The following ZDHHC2 variants were observed in gnomAD, a reference collection of about 807,000 sequenced individuals.
The protein encoded by ZDHHC2 is palmitoyltransferase ZDHHC2.
A neutral mutation model predicts 55.6 loss-of-function variants in ZDHHC2; 51 were observed. The ratio of observed to expected loss-of-function variants is 0.92; its 90% CI spans 0.73 to 1.16. ZDHHC2 has a LOEUF of 1.16. Among genes scored for constraint, ZDHHC2 ranks in the 50% most tolerant of loss-of-function variants. The pLI, the probability that ZDHHC2 is intolerant of heterozygous loss-of-function variation, is 0.00. For missense variants in ZDHHC2, 491 were observed against 442.4 expected, an observed-to-expected ratio of 1.11 and a Z score of -0.99; for synonymous variants, 199 against 152.9, an observed-to-expected ratio of 1.30 and a Z score of -2.22.
intron 8 of ZDHHC2, among the ~76,000 whole-genome samples, chr8:17,208,939 A>T (rs1390528480): frequency 1.3e-5 from 2 of 152,202 alleles, no homozygotes; most frequent in East Asian, 3.9e-4. Context: ...TAGGATGAAG[A>T]ATGCTAAGGA....
intron 10 of ZDHHC2, among the ~76,000 whole-genome samples, chr8:17,211,949 C>T (rs937781209): frequency 6.6e-6 from 1 of 152,014 alleles, no homozygotes; most frequent in Admixed American, 6.6e-5. Flanking sequence ...GTTTATAATA[C>T]TTTTTTGCCC....
At chr8:17,207,434 T>C (rs1360631671) in intron 7 of ZDHHC2, among the ~76,000 whole-genome samples, 2 of 152,124 alleles carry the variant, frequency 1.3e-5, no homozygotes, top group Non-Finnish European at 2.9e-5. Context: ...TTATTTAAGA[T>C]AGCTTGAAGC....
At chr8:17,201,811 TACAGGTATTTTAA>T (rs1291810232) in intron 6 of ZDHHC2, among the ~76,000 whole-genome samples, 1 of 152,054 alleles carries the variant, frequency 6.6e-6, no homozygotes. Context: ...AGCTTTTTTA[TACAGGTATTTTAA>T]ACAGGTATTT....
chr8:17,184,716 A>G, intron 1 of ZDHHC2, 73 bp from the exon 2 acceptor site: 1 of 1,260,844 alleles, frequency 7.9e-7, no homozygotes, highest in African/African-American at 1.5e-5. Context: ...AGCTACTTAA[A>G]TGCCTTATGT....
rs1250655645 is a variant in ZDHHC2 at position 17,186,121 on chromosome 8, C to T, written c.158-210C>T. 5.3e-5 allele frequency among the ~76,000 whole-genome samples: 8 copies of T among 152,242 alleles called. No homozygotes were observed. The South Asian group carries it at 1.7e-3, about 32-fold the overall frequency. On this transcript the variant is annotated intron_variant, in intron 2 of 12. Coordinates refer to ENST00000262096, the MANE Select transcript of ZDHHC2 (RefSeq NM_016353.5). ...GGCTTTTATTCATGGGCATAGATCT[C>T]ATTATGCATTTAGGAATTTTTGTAA...
intron 1 of ZDHHC2, among the ~76,000 whole-genome samples, chr8:17,177,965 A>G (rs2150897694): frequency 6.6e-6 from 1 of 152,322 alleles, no homozygotes; most frequent in East Asian, 1.9e-4. Flanking sequence ...ATAAATGTTA[A>G]AATCACAGCA....
intron 3 of ZDHHC2, among the ~76,000 whole-genome samples, chr8:17,186,972 A>G (rs779476518): frequency 6.6e-6 from 1 of 152,134 alleles, no homozygotes; most frequent in Non-Finnish European, 1.5e-5. Flanking sequence ...TCACATCTAC[A>G]TTGTAGCCAG....
At chr8:17,203,321 C>T (rs557859861) in intron 6 of ZDHHC2, among the ~76,000 whole-genome samples, 1 of 151,816 alleles carries the variant, frequency 6.6e-6, no homozygotes, top group South Asian at 2.1e-4. Flanking sequence ...ATCTCAGCCT[C>T]CTGGGTTCAA....
chr8:17,160,851 C>A (rs144780964), intron 1 of ZDHHC2, among the ~76,000 whole-genome samples: 46 of 152,276 alleles, frequency 3.0e-4, no homozygotes, highest in African/African-American at 1.0e-3. Flanking sequence ...AACAAATGGG[C>A]GTGGCTTTTA....
At chr8:17,172,038 C>T (rs913875061) in intron 1 of ZDHHC2, among the ~76,000 whole-genome samples, 13 of 151,910 alleles carry the variant, frequency 8.6e-5, no homozygotes, top group African/African-American at 2.9e-4. Flanking sequence ...GAACTATATC[C>T]GCAGTTCCCA....
chr8:17,160,750 A>G (rs1585633864), intron 1 of ZDHHC2, among the ~76,000 whole-genome samples: 2 of 152,228 alleles, frequency 1.3e-5, no homozygotes. Flanking sequence ...TTGGGGCTAT[A>G]TAGTACATAT....
chr8:17,157,265 T>G (rs1025766586), intron 1 of ZDHHC2, among the ~76,000 whole-genome samples: 1 of 152,000 alleles, frequency 6.6e-6, no homozygotes, highest in Admixed American at 6.5e-5. Context: ...CGCGCGGGGG[T>G]GCTGGCCTTG....
rs1808045485 is a variant in ZDHHC2 at position 17,224,524 on chromosome 8, C to G, written c.*4303C>G. On this transcript the variant is annotated 3_prime_UTR_variant, in exon 13 of 13. Transcript: ENST00000262096. The stretch of plus-strand genomic sequence containing the variant: ...GGGGAAGGTTTAACAGTACAAGGAG[C>G]TGAATCCTACCTGAAATTATTAATG... 1 of 151,564 alleles carries G rather than the reference C, an allele frequency of 6.6e-6. No homozygotes were observed. Among genetic ancestry groups the G allele is most frequent in the Non-Finnish European group, 1.5e-5 (1 of 67,668 alleles). The allele number at this position is 151,564 out of a possible 1,614,324, so 9.4% of individuals were successfully genotyped here. A position where few individuals can be genotyped will look rare whatever the true frequency, so the allele number is the denominator to read the frequency against.
At chr8:17,211,774 A>T (rs1393984079) in intron 10 of ZDHHC2, among the ~76,000 whole-genome samples, 1 of 152,136 alleles carries the variant, frequency 6.6e-6, no homozygotes, top group Non-Finnish European at 1.5e-5. Context: ...TCACAGGGAC[A>T]TTCATGGGCA....
In ZDHHC2 at chr8:17,217,206, G is replaced by A; in HGVS notation, c.1098G>A (p.Glu366=). Residue 366 remains glutamate (E), a synonymous_variant, in exon 12 of 13, where the codon GAG becomes GAA. Coordinates refer to ENST00000262096, the MANE Select transcript of ZDHHC2 (RefSeq NM_016353.5). ...MSNPALTMEN[E]T is the part of the protein sequence containing the mutation. ...ATCCTGCATTAACCATGGAAAATGA[G>A]ACTTAACTCTTCAAGCAAGATAAAT... 6.2e-7 allele frequency: 1 copy of A among 1,610,776 alleles called. No individual in the cohort carries two copies.
chr8:17,169,670 G>A (rs1804761437), intron 1 of ZDHHC2, among the ~76,000 whole-genome samples: 2 of 152,144 alleles, frequency 1.3e-5, no homozygotes, highest in Non-Finnish European at 2.9e-5. Flanking sequence ...TATAAATGAA[G>A]AGCAAGGTTT....
intron 1 of ZDHHC2, among the ~76,000 whole-genome samples, chr8:17,180,577 A>G (rs1307777136): frequency 1.3e-5 from 2 of 152,096 alleles, no homozygotes; most frequent in Admixed American, 6.6e-5. Flanking sequence ...ATGATATATT[A>G]TAATTGTACA....
At chr8:17,172,677 C>T (rs1386346764) in intron 1 of ZDHHC2, among the ~76,000 whole-genome samples, 2 of 152,110 alleles carry the variant, frequency 1.3e-5, no homozygotes, top group African/African-American at 4.8e-5. Flanking sequence ...AGCTACCAAC[C>T]AGGAGAGATC....
chr8:17,165,884 ATC>A (rs941903599), intron 1 of ZDHHC2, among the ~76,000 whole-genome samples: 3 of 152,218 alleles, frequency 2.0e-5, no homozygotes, highest in Non-Finnish European at 4.4e-5. Context: ...GGAGAAATAT[ATC>A]TCCGGCCAGG....
Sources: allele counts gnomAD v4.1 joint callset (sites outside exome capture counted in the v4.1 genomes callset), GRCh38; gene constraint gnomAD v4.1.1; transcripts MANE v1.5; gene names NCBI Gene and HGNC (gene_info 2026-07-23, HGNC 2026-07-21).